The following XKR6 variants were observed in gnomAD, a reference collection of about 807,000 sequenced individuals.
XKR6 encodes XK related 6, also known as XK-related protein 6.
A neutral mutation model predicts 56.7 loss-of-function variants in XKR6; 22 were observed. The observed-to-expected ratio is 0.39, with a 90% CI of 0.28 to 0.55. XKR6 has a LOEUF of 0.55. Ranked by LOEUF, XKR6 falls within the 20% of genes least tolerant of loss-of-function variation. The pLI, the probability that XKR6 is intolerant of heterozygous loss-of-function variation, is 0.66. For missense variants in XKR6, 852 were observed against 889.0 expected (o/e 0.96, Z 0.53); for synonymous variants, 524 against 387.8 (o/e 1.35, Z -4.13).
intron 1 of XKR6, among the ~76,000 whole-genome samples, chr8:11,153,509 C>G (rs752351055): frequency 6.6e-6 from 1 of 152,134 alleles, no homozygotes; most frequent in Non-Finnish European, 1.5e-5. Flanking sequence ...TCATATAAAC[C>G]GGTCTTTTGC....
chr8:10,899,343 A>G (rs1799973869), intron 2 of XKR6, among the ~76,000 whole-genome samples: 1 of 152,244 alleles, frequency 6.6e-6, no homozygotes, highest in South Asian at 2.1e-4. Flanking sequence ...GGAATCGCCA[A>G]TTGTGAAGAC....
chr8:10,921,629 C>G (rs1411506303), intron 2 of XKR6, among the ~76,000 whole-genome samples: 1 of 152,170 alleles, frequency 6.6e-6, no homozygotes. Flanking sequence ...GGTCCAAAAT[C>G]ACAAGAGGGT....
intron 1 of XKR6, among the ~76,000 whole-genome samples, chr8:10,962,107 G>A (rs141100791): frequency 2.3e-3 from 352 of 152,278 alleles, no homozygotes; most frequent in Middle Eastern, 0.01. Context: ...ATGACTTTCC[G>A]CGGGGGCGAC....
Position 10,898,267 on chromosome 8 carries a change from C to T in XKR6, c.1611G>A (p.Arg537=). The change falls in exon 3 of 3, where the codon CGG becomes CGA. Residue 537 remains arginine, a synonymous_variant. Transcript: ENST00000416569. The surrounding 1 kb of genome is among the most constrained non-coding windows in gnomAD (Gnocchi z 6.6). ...EPMAPEIPGY[R]GTQVTPTRAV... Reference sequence around the variant, plus strand: ...CTCTGGTGGGCGTAACCTGGGTCCCCCGGTACCCAGGGATCTCAGGCGCCA... The same window carrying T: ...CTCTGGTGGGCGTAACCTGGGTCCCTCGGTACCCAGGGATCTCAGGCGCCA... 1 of 1,614,128 alleles carries T rather than the reference C, an allele frequency of 6.2e-7. No individual in the cohort carries two copies.
intron 2 of XKR6, among the ~76,000 whole-genome samples, chr8:10,919,553 A>G (rs1800654976): frequency 6.6e-6 from 1 of 152,198 alleles, no homozygotes. Context: ...ATGCCAGGTG[A>G]TGCACTGTGG....
rs566783407 is a variant in XKR6 at position 10,962,448 on chromosome 8, G to A, written c.765-37618C>T. ...GGTAGGACTTGACTTCCTTCTTCCCGGGGCTGCAGCCTAGGGAGGATTTCC... is the reference window on the plus strand; with the variant it reads ...GGTAGGACTTGACTTCCTTCTTCCCAGGGCTGCAGCCTAGGGAGGATTTCC... On this transcript the variant is annotated intron_variant, in intron 1 of 2. Transcript: ENST00000416569. Among the ~76,000 whole-genome samples the A allele has an allele frequency of 1.1e-4, 17 of 152,230 alleles. No homozygotes were observed. In the South Asian group the frequency reaches 2.9e-3, roughly 26 times the overall value.
At chr8:11,124,372 C>A in intron 1 of XKR6, 1 of 216,736 alleles carries the variant, frequency 4.6e-6, no homozygotes, top group East Asian at 1.2e-4. Flanking sequence ...GATGTGAACA[C>A]AGTACACACA....
intron 1 of XKR6, among the ~76,000 whole-genome samples, chr8:11,062,491 C>G (rs1451116995): frequency 6.6e-6 from 1 of 152,170 alleles, no homozygotes; most frequent in Non-Finnish European, 1.5e-5. Flanking sequence ...TCCATGAGGT[C>G]AGGAGGTATT....
intron 1 of XKR6, among the ~76,000 whole-genome samples, chr8:10,991,614 C>A (rs1288503551): frequency 1.3e-5 from 2 of 152,110 alleles, no homozygotes; most frequent in South Asian, 2.1e-4. Context: ...ATCTTCCAGG[C>A]GAAGTGTAAC....
intron 1 of XKR6, among the ~76,000 whole-genome samples, chr8:11,196,537 G>C (rs1585044984): frequency 6.6e-6 from 1 of 152,244 alleles, no homozygotes; most frequent in African/African-American, 2.4e-5. Context: ...ATGCTTCCAA[G>C]GTAAAGTCAT....
At chr8:10,966,608 A>G (rs1245429276) in intron 1 of XKR6, among the ~76,000 whole-genome samples, 1 of 152,188 alleles carries the variant, frequency 6.6e-6, no homozygotes, top group Non-Finnish European at 1.5e-5. Context: ...CAGGAGGCGG[A>G]GCTTGCAGTG....
intron 1 of XKR6, among the ~76,000 whole-genome samples, chr8:11,184,026 A>C (rs1004490455): frequency 3.9e-5 from 6 of 152,222 alleles, no homozygotes; most frequent in African/African-American, 1.4e-4. Context: ...GCACCAGATA[A>C]TATAAGCAAA....
chr8:11,137,641 A>G (rs993508549), intron 1 of XKR6: 10 of 456,148 alleles, frequency 2.2e-5, no homozygotes, highest in Non-Finnish European at 4.4e-5. Context: ...GAATGGAAAC[A>G]CCATGCCATG....
chr8:11,025,757 G>T (rs1469670292), intron 1 of XKR6, among the ~76,000 whole-genome samples: 1 of 152,134 alleles, frequency 6.6e-6, no homozygotes, highest in Non-Finnish European at 1.5e-5. Flanking sequence ...TGAGCTGGAT[G>T]AGTAATTAGT....
chr8:11,129,695 A>G (rs776138202), intron 1 of XKR6, among the ~76,000 whole-genome samples: 2 of 152,220 alleles, frequency 1.3e-5, no homozygotes, highest in Non-Finnish European at 2.9e-5. Context: ...AATTTATCAT[A>G]AATCTATAAT....
At chr8:10,904,837 T>C (rs1049693579) in intron 2 of XKR6, among the ~76,000 whole-genome samples, 4 of 152,200 alleles carry the variant, frequency 2.6e-5, no homozygotes, top group Non-Finnish European at 5.9e-5. Context: ...GAGCCAGAGC[T>C]GGGCTCAACT....
intron 1 of XKR6, among the ~76,000 whole-genome samples, chr8:11,057,481 C>T (rs531133283): frequency 6.6e-6 from 1 of 152,172 alleles, no homozygotes; most frequent in Admixed American, 6.5e-5. Flanking sequence ...CAGTGTTCTG[C>T]CCTTGTCAAG....
At chr8:10,961,038 G>T (rs1220520004) in intron 1 of XKR6, among the ~76,000 whole-genome samples, 2 of 152,128 alleles carry the variant, frequency 1.3e-5, no homozygotes, top group Non-Finnish European at 2.9e-5. Flanking sequence ...AAGATCGAGG[G>T]GCAGAGGGCA....
intron 1 of XKR6, among the ~76,000 whole-genome samples, chr8:11,117,340 C>A (rs1439128157): frequency 6.6e-6 from 1 of 152,178 alleles, no homozygotes; most frequent in South Asian, 2.1e-4. Flanking sequence ...CAGCAAAAAC[C>A]AACAGCATTC....
Sources: allele counts gnomAD v4.1 joint callset (sites outside exome capture counted in the v4.1 genomes callset), GRCh38; gene constraint gnomAD v4.1.1; non-coding constraint Gnocchi (gnomAD v3.1); transcripts MANE v1.5; gene names NCBI Gene and HGNC (gene_info 2026-07-23, HGNC 2026-07-21).